The following CD2BP2 variants were observed in gnomAD, a reference collection of about 807,000 sequenced individuals.
CD2BP2 encodes the protein CD2 antigen cytoplasmic tail-binding protein 2.
Under a neutral mutation model 35.9 loss-of-function variants are expected in CD2BP2, and 27 were observed. That is an observed-to-expected ratio of 0.75 (90% CI 0.55 to 1.04). The LOEUF (loss-of-function observed/expected upper bound fraction) is 1.04, where lower values mean the gene tolerates loss of function less well. Among genes scored for constraint, CD2BP2 ranks in the 50% least tolerant of loss-of-function variants. CD2BP2 has a pLI of 0.00. For synonymous variants in CD2BP2, 213 were observed against 173.5 expected, an observed-to-expected ratio of 1.23 and a Z score of -1.79; for missense variants, 497 against 444.3, an observed-to-expected ratio of 1.12 and a Z score of -1.07.
At position 30,353,911 on chromosome 16, in the gene CD2BP2, T is replaced by C. The variant is rs1309925524; in HGVS notation, c.365A>G (p.Asn122Ser). Residue 122 changes from asparagine (N) to serine (S), a missense_variant, in exon 4 of 7, where the codon AAC becomes AGC. By Grantham distance (46) the Asn-to-Ser change is conservative. Transcript: ENST00000305596. Reference protein sequence around the residue: ...DAQIRDSWLDNIDWVKIRERP... With the variant: ...DAQIRDSWLDSIDWVKIRERP... ...GCCCCTGGGCCGCACCCAGTCAATGTTGTCCAGCCAGCTGTCTCGGATCTG... is the reference window on the plus strand; with the variant it reads ...GCCCCTGGGCCGCACCCAGTCAATGCTGTCCAGCCAGCTGTCTCGGATCTG... 1 of 1,613,912 alleles carries C rather than the reference T, an allele frequency of 6.2e-7. No individual in the cohort carries two copies. The highest frequency in any genetic ancestry group is 8.5e-7 in the Non-Finnish European group (1 of 1,179,990).
At position 30,352,612 on chromosome 16, in the gene CD2BP2, G is replaced by T. The variant is rs890260639; in HGVS notation, c.*373C>A. ...TGGCTACAAGGATAAAGAATCTGAG[G>T]TCCTGAAAGCCAAAGACCTAAGAGG... is the stretch of plus-strand genomic sequence containing the variant. On this transcript the variant is annotated 3_prime_UTR_variant, in exon 7 of 7. Transcript: ENST00000305596. 4.6e-6 allele frequency: 1 copy of T among 217,000 alleles called. No individual in the cohort carries two copies. The highest frequency in any genetic ancestry group is 9.4e-6 in the Non-Finnish European group (1 of 106,748). The allele number at this position is 217,000 out of a possible 1,614,324, so 13.4% of individuals were successfully genotyped here.
chr16:30,351,376 C>T lies in CD2BP2; in HGVS notation c.*1609G>A, dbSNP rs1306165090. On this transcript the variant is annotated 3_prime_UTR_variant, in exon 7 of 7. Coordinates refer to ENST00000305596, the MANE Select transcript of CD2BP2 (RefSeq NM_006110.3). ...ACAGGAGAACCCTGTACCTCAGCAG[C>T]CCTGAAACCTGCTTTCCACTTCCGG... 2 of 152,304 alleles carry T rather than the reference C, an allele frequency of 1.3e-5. No homozygotes were observed. Among genetic ancestry groups the T allele is most frequent in the Admixed American group, 1.3e-4 (2 of 15,282 alleles). 9.4% of individuals were successfully genotyped at this position (152,304 alleles called of 1,614,324 possible).
intron 6 of CD2BP2, 42 bp from the exon 7 acceptor site, chr16:30,353,137 G>C (rs776486969): frequency 1.2e-5 from 19 of 1,605,074 alleles, no homozygotes; most frequent in Middle Eastern, 1.7e-4. Flanking sequence ...TGACAGGAGT[G>C]GGGGAAGCAG....
At chr16:30,355,117 A>G in intron 1 of CD2BP2, 95 bp downstream of exon 1, 1 of 204,410 alleles carries the variant, frequency 4.9e-6, no homozygotes, top group South Asian at 7.0e-5. Flanking sequence ...CCTGCTCCGA[A>G]CTCCCAATTC....
chr16:30,354,392 G>A (rs2151097938), intron 2 of CD2BP2, 70 bp from the exon 3 acceptor site: 2 of 1,539,772 alleles, frequency 1.3e-6, no homozygotes, highest in Non-Finnish European at 1.8e-6. Flanking sequence ...TCCGGATCTG[G>A]ACCCAAATAT....
Position 30,353,248 on chromosome 16 carries a change from C to T in CD2BP2, c.848G>A (p.Trp283Ter). ...SRGDGLVDVM[W>*]EYKWENTGDA... ...CCCCGTGTTCTCCCACTTATATTCC[C>T]ACATCACATCCACCAGACCATCTCC... Residue 283 changes from tryptophan to a stop codon, truncating the protein, a stop_gained, in exon 6 of 7, where the codon TGG becomes TAG. Coordinates refer to ENST00000305596, the MANE Select transcript of CD2BP2 (RefSeq NM_006110.3). LOFTEE classifies it high-confidence loss of function. The T allele has an allele frequency of 6.2e-7, 1 of 1,614,198 alleles. No individual in the cohort carries two copies. Among genetic ancestry groups the T allele is most frequent in the Non-Finnish European group, 8.5e-7 (1 of 1,180,038 alleles).
chr16:30,353,552 C>G lies in CD2BP2; in HGVS notation c.624G>C (p.Gln208His). ...CACCAAGGTTGCCCCGGGCCACCAT[C>G]TGGTCGGCCAACCCGGAGAGCCGGT... is the stretch of plus-strand genomic sequence containing the variant. ...RLDRLSGLAD[Q>H]MVARGNLGVY... is the part of the protein sequence containing the mutation. The change falls in exon 5 of 7, where the codon CAG (glutamine) becomes CAC (histidine). Residue 208 changes from glutamine (Q) to histidine (H), a missense_variant. Physicochemically the swap from Gln to His is conservative, Grantham distance 24. Transcript: ENST00000305596. 6.2e-6 allele frequency: 10 copies of G among 1,614,232 alleles called. No individual in the cohort carries two copies. Among genetic ancestry groups the G allele is most frequent in the Non-Finnish European group, 8.5e-6 (10 of 1,180,040 alleles).
chr16:30,353,930 G>C lies in CD2BP2; in HGVS notation c.346C>G (p.Arg116Gly), dbSNP rs536876072. 13 of 1,613,978 alleles carry C rather than the reference G, an allele frequency of 8.1e-6. No individual in the cohort carries two copies. The highest frequency in any genetic ancestry group is 1.3e-5 in the African/African-American group (1 of 74,910). ...NYFLNRDAQIRDSWLDNIDWV... is the reference protein window; with the variant it reads ...NYFLNRDAQIGDSWLDNIDWV... ...TCAATGTTGTCCAGCCAGCTGTCTC[G>C]GATCTGAGCATCCCGGTTCAGGAAG... Residue 116 changes from arginine to glycine, a missense_variant, in exon 4 of 7, where the codon CGA (arginine) becomes GGA (glycine). Transcript: ENST00000305596.
chr16:30,353,161 G>A lies in CD2BP2; in HGVS notation c.915+20C>T, dbSNP rs761004062. 16 of 1,610,500 alleles carry A rather than the reference G, an allele frequency of 9.9e-6. No homozygotes were observed. In the Admixed American group the frequency reaches 2.3e-4, roughly 23 times the overall value. On this transcript the variant is annotated intron_variant, in intron 6 of 6. Transcript: ENST00000305596. ...TGGGGGAAGCAGGGACAAGGCAGGA[G>A]GAGGGAGAAAGCAGCTCACCTGCAT...
In CD2BP2 at chr16:30,353,973, A is replaced by C; in HGVS notation, c.303T>G (p.Phe101Leu). Residue 101 changes from phenylalanine to leucine, a missense_variant, in exon 4 of 7, where the codon TTT (phenylalanine) becomes TTG (leucine). Coordinates refer to ENST00000305596, the MANE Select transcript of CD2BP2 (RefSeq NM_006110.3). ...NLQEEMEEGHFDADGNYFLNR... is the reference protein window; with the variant it reads ...NLQEEMEEGHLDADGNYFLNR... ...TCAGGAAGTAGTTGCCATCGGCATCAAAGTGGCCTTCCTCCATCTCCTCCT... is the reference window on the plus strand; with the variant it reads ...TCAGGAAGTAGTTGCCATCGGCATCCAAGTGGCCTTCCTCCATCTCCTCCT... 1.2e-6 allele frequency: 2 copies of C among 1,614,200 alleles called. No individual in the cohort carries two copies. Among genetic ancestry groups the C allele is most frequent in the Non-Finnish European group, 1.7e-6 (2 of 1,180,034 alleles).
In CD2BP2 at chr16:30,352,254, C is replaced by T. The variant is rs1270905511; in HGVS notation, c.*731G>A. 2 of 152,350 alleles carry T rather than the reference C, an allele frequency of 1.3e-5. No homozygotes were observed. Among genetic ancestry groups the T allele is most frequent in the African/African-American group, 4.8e-5 (2 of 41,476 alleles). 9.4% of individuals were successfully genotyped at this position (152,350 alleles called of 1,614,324 possible). On this transcript the variant is annotated 3_prime_UTR_variant, in exon 7 of 7. Coordinates refer to ENST00000305596, the MANE Select transcript of CD2BP2 (RefSeq NM_006110.3). ...CTGGGTCTGGGCCAGCCCTTTGATTCCTGTGATCTCCAGTGAGTCACTGCC... is the reference window on the plus strand; with the variant it reads ...CTGGGTCTGGGCCAGCCCTTTGATTTCTGTGATCTCCAGTGAGTCACTGCC...
intron 2 of CD2BP2, 121 bp downstream of exon 2, chr16:30,354,483 G>T: frequency 7.2e-7 from 1 of 1,383,146 alleles, no homozygotes; most frequent in South Asian, 1.2e-5. Flanking sequence ...CCATTCCTCA[G>T]AGAACCTGAA....
rs1216093115 is a variant in CD2BP2 at position 30,352,756 on chromosome 16, C to T, written c.*229G>A. Reference sequence around the variant, plus strand: ...CCTGACAGGCACCTCCAAGAAGGATCTTCATGGGAGTACTCAGGGACCAAG... The same window carrying T: ...CCTGACAGGCACCTCCAAGAAGGATTTTCATGGGAGTACTCAGGGACCAAG... On this transcript the variant is annotated 3_prime_UTR_variant, in exon 7 of 7. Transcript: ENST00000305596. The T allele has an allele frequency of 8.8e-6, 5 of 566,610 alleles. No homozygotes were observed. The African/African-American group carries it at 9.4e-5, about 11-fold the overall frequency. The allele number at this position is 566,610 out of a possible 1,614,324, so 35.1% of individuals were successfully genotyped here.
At position 30,354,435 on chromosome 16, in the gene CD2BP2, C is replaced by A. The variant is rs188711304; in HGVS notation, c.79-113G>T. 183 of 1,414,936 alleles carry A rather than the reference C, an allele frequency of 1.3e-4. 2 individuals carry two copies. The East Asian group carries it at 3.0e-3, about 24-fold the overall frequency. 87.6% of individuals were successfully genotyped at this position (1,414,936 alleles called of 1,614,324 possible). On this transcript the variant is annotated intron_variant, in intron 2 of 6. Transcript: ENST00000305596. ...ATATTTCAGGATCTCGACTACTTCC[C>A]CAAATATTTCAGGAGCCACACTAAA...
In CD2BP2 at chr16:30,350,997, C is replaced by T. The variant is rs746785709; in HGVS notation, c.*1988G>A. ...CTTCCTTGCTTCATGCGCAGACCCT[C>T]GTGACTCCCCTTCCCTTATAAGGGC... On this transcript the variant is annotated 3_prime_UTR_variant, in exon 7 of 7. Transcript: ENST00000305596. 4 of 152,694 alleles carry T rather than the reference C, an allele frequency of 2.6e-5. No individual in the cohort carries two copies. The highest frequency in any genetic ancestry group is 2.6e-4 in the Admixed American group (4 of 15,276). 9.5% of individuals were successfully genotyped at this position (152,694 alleles called of 1,614,324 possible).
chr16:30,353,534 G>A lies in CD2BP2; in HGVS notation c.642C>T (p.Asn214=), dbSNP rs376780712. The change falls in exon 5 of 7, where the codon AAC becomes AAT. Residue 214 remains asparagine, a synonymous_variant. Transcript: ENST00000305596. ...CCCTTGTTTCCTGGTACACACCAAG[G>A]TTGCCCCGGGCCACCATCTGGTCGG... The part of the protein sequence containing the change: ...GLADQMVARG[N]LGVYQETRER... 5 of 1,614,082 alleles carry A rather than the reference G, an allele frequency of 3.1e-6. No homozygotes were observed. Among genetic ancestry groups the A allele is most frequent in the African/African-American group, 2.7e-5 (2 of 74,942 alleles).
chr16:30,352,066 A>G lies in CD2BP2; in HGVS notation c.*919T>C, dbSNP rs1178302121. 1 of 152,488 alleles carries G rather than the reference A, an allele frequency of 6.6e-6. No individual in the cohort carries two copies. Among genetic ancestry groups the G allele is most frequent in the Non-Finnish European group, 1.5e-5 (1 of 68,232 alleles). The allele number at this position is 152,488 out of a possible 1,614,324, so 9.4% of individuals were successfully genotyped here. A position where few individuals can be genotyped will look rare whatever the true frequency, so the allele number is the denominator to read the frequency against. ...GTCTATTTCCCATGCCCCTGCCACC[A>G]GACTCTGAATTCCTGGAAGGGGACC... On this transcript the variant is annotated 3_prime_UTR_variant, in exon 7 of 7. Transcript: ENST00000305596.
rs1295589933 is a variant in CD2BP2, at chr16:30,353,792, G to A, written c.384C>T (p.Ile128=). Residue 128 remains isoleucine (I), a synonymous_variant, in exon 5 of 7, where the codon ATC becomes ATT. Transcript: ENST00000305596. ...SWLDNIDWVK[I]RERPPGQRQA... is the part of the protein sequence containing the mutation. ...GGCGCTGGCCAGGTGGCCGCTCCCG[G>A]ATCTTCACCTGTAATGGGAAGATGG... The A allele has an allele frequency of 1.2e-6, 2 of 1,602,836 alleles. No homozygotes were observed. Among genetic ancestry groups the A allele is most frequent in the Non-Finnish European group, 1.7e-6 (2 of 1,174,912 alleles).
chr16:30,353,773 G>C lies in CD2BP2; in HGVS notation c.403C>G (p.Gln135Glu), dbSNP rs931029180. Reference sequence around the variant, plus strand: ...TCCTCCGAGTCTGAGGCCTGGCGCTGGCCAGGTGGCCGCTCCCGGATCTTC... The same window carrying C: ...TCCTCCGAGTCTGAGGCCTGGCGCTCGCCAGGTGGCCGCTCCCGGATCTTC... ...WVKIRERPPG[Q>E]RQASDSEEED... The change falls in exon 5 of 7, where the codon CAG (glutamine) becomes GAG (glutamate). Residue 135 changes from glutamine to glutamate, a missense_variant. Gln to Glu is a conservative substitution (Grantham distance 29). Coordinates refer to ENST00000305596, the MANE Select transcript of CD2BP2 (RefSeq NM_006110.3). 1 of 1,603,630 alleles carries C rather than the reference G, an allele frequency of 6.2e-7. No homozygotes were observed. The highest frequency in any genetic ancestry group is 8.5e-7 in the Non-Finnish European group (1 of 1,174,994).
Sources: allele counts gnomAD v4.1 joint callset, GRCh38; gene constraint gnomAD v4.1.1; transcripts MANE v1.5; gene names NCBI Gene and HGNC (gene_info 2026-07-23, HGNC 2026-07-21).